The following TRIQK variants were observed in gnomAD, a reference collection of about 807,000 sequenced individuals.
TRIQK encodes triple QxxK/R motif-containing protein.
TRIQK carries 10 observed loss-of-function variants against 10.8 expected under a neutral mutation model. That is an observed-to-expected ratio of 0.92 (90% CI 0.57 to 1.57). The LOEUF (loss-of-function observed/expected upper bound fraction) is 1.57. Among genes scored for constraint, TRIQK ranks in the 40% most tolerant of loss-of-function variants. The probability of loss-of-function intolerance (pLI) is 0.00; values close to 1 mark genes in which losing one functional copy is unlikely to be tolerated. For missense variants in TRIQK, 107 were observed against 97.7 expected (o/e 1.09, Z -0.40); for synonymous variants, 33 against 33.7 (o/e 0.98, Z 0.07).
intron 2 of TRIQK, among the ~76,000 whole-genome samples, chr8:92,947,872 C>T (rs749753010): frequency 3.3e-5 from 5 of 151,894 alleles, no homozygotes; most frequent in South Asian, 4.2e-4. Flanking sequence ...ACTTGAGGGA[C>T]GGTAGAAGAA....
chr8:92,891,213 C>G (rs1816746360), intron 4 of TRIQK, among the ~76,000 whole-genome samples: 1 of 151,762 alleles, frequency 6.6e-6, no homozygotes, highest in South Asian at 2.1e-4. Context: ...TTGCTGTAAG[C>G]TATAACTTAG....
intron 3 of TRIQK, among the ~76,000 whole-genome samples, chr8:92,903,291 C>G (rs529083712): frequency 1.3e-5 from 2 of 151,950 alleles, no homozygotes; most frequent in South Asian, 4.1e-4. Flanking sequence ...CATTTAAGAG[C>G]AGCTTTGACA....
In TRIQK at chr8:93,007,668, T is replaced by A. The variant is rs546898780; in HGVS notation, c.-181+9941A>T. 3.9e-5 allele frequency among the ~76,000 whole-genome samples: 6 copies of A among 152,224 alleles called. No homozygotes were observed. In the South Asian group the frequency reaches 8.3e-4, roughly 21 times the overall value. On this transcript the variant is annotated intron_variant, in intron 1 of 4. Transcript: ENST00000520686. ...AGCAGCTGTTAACCAGAATAACCAG[T>A]TTAAGAATAACATAAATGACCTGAC...
chr8:93,012,071 A>G (rs1374148742), intron 1 of TRIQK, among the ~76,000 whole-genome samples: 1 of 152,176 alleles, frequency 6.6e-6, no homozygotes, highest in Non-Finnish European at 1.5e-5. Flanking sequence ...CAAGAAATAG[A>G]AAATAAAATA....
intron 1 of TRIQK, chr8:92,960,822 T>A (rs895697528): frequency 3.9e-5 from 6 of 152,174 alleles, no homozygotes; most frequent in Non-Finnish European, 5.9e-5. Context: ...ATATCAGACT[T>A]CTGAACCACA....
At chr8:92,902,388 A>G (rs1476810019) in intron 3 of TRIQK, among the ~76,000 whole-genome samples, 2 of 152,112 alleles carry the variant, frequency 1.3e-5, no homozygotes, top group African/African-American at 4.8e-5. Context: ...AAATTCCCAC[A>G]ATCACTGCAC....
At chr8:92,937,829 T>C (rs1294175308) in intron 2 of TRIQK, among the ~76,000 whole-genome samples, 26 of 152,026 alleles carry the variant, frequency 1.7e-4, no homozygotes, top group Non-Finnish European at 8.8e-5. Flanking sequence ...TATTGTCATA[T>C]GTTTCACATC....
At chr8:92,889,294 T>C (rs1276174927) in intron 4 of TRIQK, among the ~76,000 whole-genome samples, 2 of 151,610 alleles carry the variant, frequency 1.3e-5, no homozygotes, top group Non-Finnish European at 3.0e-5. Context: ...TGATTTGATA[T>C]GGTAATTAAA....
chr8:92,887,834 G>T (rs1183060810), intron 4 of TRIQK, among the ~76,000 whole-genome samples: 4 of 151,546 alleles, frequency 2.6e-5, no homozygotes, highest in Non-Finnish European at 5.9e-5. Flanking sequence ...CTTTTATACA[G>T]ATTTTTAGCT....
intron 1 of TRIQK, among the ~76,000 whole-genome samples, chr8:93,014,977 G>T (rs1813369916): frequency 6.6e-6 from 1 of 151,956 alleles, no homozygotes. Context: ...GAACATAGAT[G>T]TTCAACATTT....
chr8:93,010,007 T>C (rs1337894543), intron 1 of TRIQK, among the ~76,000 whole-genome samples: 1 of 152,094 alleles, frequency 6.6e-6, no homozygotes, highest in Non-Finnish European at 1.5e-5. Flanking sequence ...ATAGTAAAAT[T>C]AGCCAGACAT....
intron 1 of TRIQK, among the ~76,000 whole-genome samples, chr8:92,985,455 G>A (rs887570732): frequency 1.3e-5 from 2 of 152,144 alleles, no homozygotes; most frequent in Non-Finnish European, 2.9e-5. Context: ...CTATGGTGTA[G>A]GTGAAATTAA....
chr8:92,896,223 A>T (rs1808588871), intron 3 of TRIQK, among the ~76,000 whole-genome samples: 1 of 152,184 alleles, frequency 6.6e-6, no homozygotes, highest in Non-Finnish European at 1.5e-5. Context: ...CTGTGGCTTA[A>T]GCAGGCCCAG....
rs547512429 is a variant in TRIQK, at chr8:92,987,932, G to A, written c.-181+29677C>T. 4.6e-5 allele frequency among the ~76,000 whole-genome samples: 7 copies of A among 151,314 alleles called. No homozygotes were observed. In the South Asian group the frequency reaches 1.5e-3, roughly 32 times the overall value. On this transcript the variant is annotated intron_variant, in intron 1 of 4. Coordinates refer to the TRIQK transcript ENST00000520686. ...AGACACAGATACAGATGCAGATAGG[G>A]TACATGGTTGTATCATCTTTAGATG... is the stretch of plus-strand genomic sequence containing the variant.
chr8:92,956,355 G>T (rs1812171672), intron 1 of TRIQK, among the ~76,000 whole-genome samples: 1 of 151,722 alleles, frequency 6.6e-6, no homozygotes, highest in Non-Finnish European at 1.5e-5. Context: ...AATAGAGAAA[G>T]AAAATAGATT....
intron 2 of TRIQK, among the ~76,000 whole-genome samples, chr8:92,924,163 A>G (rs4504607): frequency 0.79 from 119,617 of 151,896 alleles, 47,475 homozygotes; most frequent in Middle Eastern, 0.88. Context: ...GTTGAGAACC[A>G]ATCATGAAAA....
At chr8:92,928,359 G>A (rs1405258475) in intron 2 of TRIQK, among the ~76,000 whole-genome samples, 1 of 152,156 alleles carries the variant, frequency 6.6e-6, no homozygotes, top group Admixed American at 6.5e-5. Flanking sequence ...CAGCACCACA[G>A]AAGAAAGCCT....
chr8:92,956,967 C>G (rs1337577312), intron 1 of TRIQK, among the ~76,000 whole-genome samples: 1 of 151,844 alleles, frequency 6.6e-6, no homozygotes, highest in Non-Finnish European at 1.5e-5. Context: ...AAGCACATCA[C>G]ATACCACAAA....
At chr8:92,932,094 T>C (rs1313740174) in intron 2 of TRIQK, among the ~76,000 whole-genome samples, 1 of 152,154 alleles carries the variant, frequency 6.6e-6, no homozygotes, top group African/African-American at 2.4e-5. Context: ...GTCAGCACTT[T>C]CCTGATTCTC....
Sources: allele counts gnomAD v4.1 joint callset (sites outside exome capture counted in the v4.1 genomes callset), GRCh38; gene constraint gnomAD v4.1.1; transcripts MANE v1.5; gene names NCBI Gene and HGNC (gene_info 2026-07-23, HGNC 2026-07-21).